VKORC1L1: variants seen among roughly 807,000 people sequenced by gnomAD.
The protein encoded by VKORC1L1 is vitamin K epoxide reductase complex subunit 1-like protein 1.
VKORC1L1 carries 2 observed loss-of-function variants against 18.9 expected under a neutral mutation model. That is an observed-to-expected ratio of 0.11 (90% CI 0.04 to 0.33). The LOEUF (loss-of-function observed/expected upper bound fraction) is 0.33, where lower values mean the gene tolerates loss of function less well. Among genes scored for constraint, VKORC1L1 ranks in the 10% least tolerant of loss-of-function variants. The pLI, the probability that VKORC1L1 is intolerant of heterozygous loss-of-function variation, is 1.00. For synonymous variants in VKORC1L1, 96 were observed against 100.0 expected (o/e 0.96, Z 0.24); for missense variants, 123 against 224.1 (o/e 0.55, Z 2.88).
At chr7:65,933,993 C>T (rs1428817721) in intron 1 of VKORC1L1, among the ~76,000 whole-genome samples, 1 of 152,114 alleles carries the variant, frequency 6.6e-6, no homozygotes, top group Non-Finnish European at 1.5e-5. Flanking sequence ...GTTATATCTA[C>T]ATATATTGAA....
intron 1 of VKORC1L1, among the ~76,000 whole-genome samples, chr7:65,921,835 G>A (rs543759367): frequency 2.9e-4 from 43 of 150,814 alleles, no homozygotes; most frequent in African/African-American, 9.5e-4. Flanking sequence ...GCGACAGAGC[G>A]AGACTCCATC....
the VKORC1L1 span, among the ~76,000 whole-genome samples, chr7:65,866,747 C>G: frequency 6.6e-6 from 1 of 151,868 alleles, no homozygotes; most frequent in Non-Finnish European, 1.5e-5. Context: ...CCCATCTCTA[C>G]AAAAAATAAA....
intron 1 of VKORC1L1, among the ~76,000 whole-genome samples, chr7:65,941,724 TG>T (rs1156584164): frequency 7.6e-6 from 1 of 131,488 alleles, no homozygotes; most frequent in Non-Finnish European, 1.5e-5. Flanking sequence ...TCATCCAGGC[TG>T]GGGTGCAGTG....
chr7:65,886,814 G>A lies in VKORC1L1; in HGVS notation c.194+13249G>A, dbSNP rs182616992. Among the ~76,000 whole-genome samples the A allele has an allele frequency of 9.4e-3, 1,395 of 147,778 alleles. 25 individuals are homozygous for A. The highest frequency in any genetic ancestry group is 0.032 in the African/African-American group (1,298 of 40,124). On this transcript the variant is annotated intron_variant, in intron 1 of 2. Coordinates refer to ENST00000360768, the MANE Select transcript of VKORC1L1 (RefSeq NM_173517.6). The stretch of plus-strand genomic sequence containing the variant: ...GGCCTCCCAGAGTGCTGGGATTACA[G>A]GCGTGAGCCACTGCGCCTGTCCGAG...
chr7:65,871,530 T>A (rs1583814226), upstream of VKORC1L1, among the ~76,000 whole-genome samples: 3 of 152,184 alleles, frequency 2.0e-5, no homozygotes, highest in South Asian at 2.1e-4. Context: ...GCAATAGACT[T>A]CGTAAAAGTG....
intron 2 of VKORC1L1, among the ~76,000 whole-genome samples, chr7:65,950,538 G>T (rs1324846077): frequency 2.6e-5 from 4 of 151,944 alleles, no homozygotes; most frequent in Non-Finnish European, 5.9e-5. Flanking sequence ...TAGTTCTGTC[G>T]AGTTTGCCCA....
chr7:65,944,704 C>T (rs983083979), intron 1 of VKORC1L1, among the ~76,000 whole-genome samples: 4 of 151,220 alleles, frequency 2.6e-5, no homozygotes, highest in African/African-American at 7.3e-5. Flanking sequence ...AATGCCTGAG[C>T]TCAGGAGTTC....
In VKORC1L1 at chr7:65,875,683, C is replaced by T. The variant is rs1788816090; in HGVS notation, c.194+2118C>T. On this transcript the variant is annotated intron_variant, in intron 1 of 2. Coordinates refer to ENST00000360768, the MANE Select transcript of VKORC1L1 (RefSeq NM_173517.6). ...CCGCCCTCCTCGGCCTCCCAAAGTG[C>T]TGGGATTACAGACGTGAGCCACCGC... Among the ~76,000 whole-genome samples the T allele has an allele frequency of 2.6e-5, 4 of 152,134 alleles. No individual in the cohort carries two copies. In the South Asian group the frequency reaches 8.3e-4, roughly 31 times the overall value.
At chr7:65,907,666 T>A (rs1009673695) in intron 1 of VKORC1L1, among the ~76,000 whole-genome samples, 7 of 152,188 alleles carry the variant, frequency 4.6e-5, no homozygotes, top group African/African-American at 1.7e-4. Flanking sequence ...TTCATTTTGT[T>A]TTAATCAGAG....
chr7:65,935,303 C>T (rs1050561521), intron 1 of VKORC1L1, among the ~76,000 whole-genome samples: 2 of 151,518 alleles, frequency 1.3e-5, no homozygotes, highest in African/African-American at 4.8e-5. Flanking sequence ...TTAAAGATTT[C>T]GGCCTCCATG....
intron 1 of VKORC1L1, among the ~76,000 whole-genome samples, chr7:65,877,073 T>C (rs1196077113): frequency 6.6e-6 from 1 of 152,126 alleles, no homozygotes; most frequent in East Asian, 1.9e-4. Context: ...AAAAACCTAC[T>C]TTGCCAGATT....
chr7:65,876,374 C>T (rs940361192), intron 1 of VKORC1L1, among the ~76,000 whole-genome samples: 107 of 152,146 alleles, frequency 7.0e-4, no homozygotes, highest in African/African-American at 2.5e-3. Flanking sequence ...TGGTAGCATG[C>T]ACCTGTAATC....
chr7:65,888,637 G>T (rs10950018), intron 1 of VKORC1L1, among the ~76,000 whole-genome samples: 48,696 of 151,764 alleles, frequency 0.32, 8,822 homozygotes, highest in East Asian at 0.46. Context: ...CGGTGGTGAG[G>T]GGGGTGCAGG....
chr7:65,903,652 G>C (rs563878314), intron 1 of VKORC1L1, among the ~76,000 whole-genome samples: 1 of 151,996 alleles, frequency 6.6e-6, no homozygotes, highest in Non-Finnish European at 1.5e-5. Context: ...CGCGCCTGTG[G>C]TTCCAGCTCC....
At chr7:65,942,567 G>A (rs980247525) in intron 1 of VKORC1L1, among the ~76,000 whole-genome samples, 3 of 150,434 alleles carry the variant, frequency 2.0e-5, no homozygotes, top group Admixed American at 6.7e-5. Flanking sequence ...AGATGGAGTC[G>A]TGCTCTTTCA....
chr7:65,953,466 A>G (rs1200981572), intron 2 of VKORC1L1, among the ~76,000 whole-genome samples: 1 of 152,220 alleles, frequency 6.6e-6, no homozygotes, highest in Non-Finnish European at 1.5e-5. Context: ...TGTTGATGTT[A>G]CAAGTCAGCT....
chr7:65,873,571 C>G lies in VKORC1L1; in HGVS notation c.194+6C>G. 1 of 1,527,890 alleles carries G rather than the reference C, an allele frequency of 6.5e-7. No individual in the cohort carries two copies. The highest frequency in any genetic ancestry group is 8.8e-7 in the Non-Finnish European group (1 of 1,139,404). 94.6% of individuals were successfully genotyped at this position (1,527,890 alleles called of 1,614,324 possible). On this transcript the variant is annotated splice_donor_region_variant and intron_variant, in intron 1 of 2. Coordinates refer to ENST00000360768, the MANE Select transcript of VKORC1L1 (RefSeq NM_173517.6). The stretch of plus-strand genomic sequence containing the variant: ...TCCGCCGCCCTTGCCTCCAGGTAGC[C>G]GGCTTGGGGGAGTGGGCCAGGAGCG...
At chr7:65,936,368 G>A (rs192700310) in intron 1 of VKORC1L1, among the ~76,000 whole-genome samples, 108 of 152,194 alleles carry the variant, frequency 7.1e-4, no homozygotes, top group African/African-American at 2.5e-3. Context: ...GGAGTGCATC[G>A]TCAGTGTATT....
At chr7:65,942,491 CAAAAAA>C (rs764138467) in intron 1 of VKORC1L1, among the ~76,000 whole-genome samples, 1 of 75,546 alleles carries the variant, frequency 1.3e-5, no homozygotes, top group Admixed American at 1.5e-4. Context: ...GACTCCATCT[CAAAAAA>C]AAAAAAAAAA....
Sources: allele counts gnomAD v4.1 joint callset (sites outside exome capture counted in the v4.1 genomes callset), GRCh38; gene constraint gnomAD v4.1.1; transcripts MANE v1.5; gene names NCBI Gene and HGNC (gene_info 2026-07-23, HGNC 2026-07-21).